The following KSR2 variants were observed in gnomAD, a reference collection of about 807,000 sequenced individuals.
KSR2 encodes the protein kinase suppressor of ras 2.
KSR2 carries 25 observed loss-of-function variants against 107.8 expected under a neutral mutation model. The observed-to-expected ratio is 0.23, with a 90% CI of 0.17 to 0.32. The LOEUF is 0.32. Among genes scored for constraint, KSR2 ranks in the 10% least tolerant of loss-of-function variants. KSR2 has a pLI of 1.00. For missense variants in KSR2, 887 were observed against 1,268.9 expected (o/e 0.70, Z 4.57); for synonymous variants, 480 against 507.0 (o/e 0.95, Z 0.71).
At chr12:117,786,933 G>A (rs1330355542) in intron 3 of KSR2, among the ~76,000 whole-genome samples, 1 of 152,074 alleles carries the variant, frequency 6.6e-6, no homozygotes, top group African/African-American at 2.4e-5. Context: ...GGAGGCTGAG[G>A]CAGGAGAATC....
chr12:117,601,568 C>A (rs1235895780), intron 5 of KSR2, among the ~76,000 whole-genome samples: 2 of 152,096 alleles, frequency 1.3e-5, no homozygotes, highest in Admixed American at 6.5e-5. Context: ...TGGAGTGAAG[C>A]ATCTACAAGC....
At chr12:117,905,944 C>T (rs1003259036) in intron 1 of KSR2, among the ~76,000 whole-genome samples, 1 of 151,302 alleles carries the variant, frequency 6.6e-6, no homozygotes, top group South Asian at 2.1e-4. Context: ...TAGTAGTGAT[C>T]ATACTAGTTA....
intron 17 of KSR2, 137 bp downstream of exon 17, chr12:117,476,327 C>T: frequency 9.5e-7 from 1 of 1,052,112 alleles, no homozygotes; most frequent in Non-Finnish European, 1.3e-6. Context: ...TCAGGTTCCT[C>T]CATTCTCACC....
At chr12:117,501,666 G>C (rs1251928915) in intron 14 of KSR2, among the ~76,000 whole-genome samples, 1 of 152,202 alleles carries the variant, frequency 6.6e-6, no homozygotes. Context: ...GGCTAAAGAG[G>C]GAGAAGGAAC....
chr12:117,587,207 T>C (rs1415456518), intron 5 of KSR2, among the ~76,000 whole-genome samples: 1 of 152,168 alleles, frequency 6.6e-6, no homozygotes, highest in Non-Finnish European at 1.5e-5. Flanking sequence ...TATGTTATCT[T>C]ATCTGGCAAA....
chr12:117,529,854 A>T (rs376223199), intron 12 of KSR2, among the ~76,000 whole-genome samples: 56 of 141,316 alleles, frequency 4.0e-4, no homozygotes, highest in Admixed American at 2.0e-3. Context: ...ATAAAAAATT[A>T]AAAAAAAAAT....
chr12:117,883,483 T>G (rs938423279), intron 1 of KSR2, among the ~76,000 whole-genome samples: 1 of 152,136 alleles, frequency 6.6e-6, no homozygotes, highest in Non-Finnish European at 1.5e-5. Context: ...AACTTCTATT[T>G]GATAAGTGCT....
At chr12:117,730,347 T>C (rs761961452) in intron 4 of KSR2, among the ~76,000 whole-genome samples, 17 of 152,172 alleles carry the variant, frequency 1.1e-4, no homozygotes, top group Non-Finnish European at 2.4e-4. Flanking sequence ...TATAAGGCAC[T>C]TAGCACAATG....
intron 7 of KSR2, among the ~76,000 whole-genome samples, chr12:117,577,477 A>T (rs1879355691): frequency 6.6e-6 from 1 of 152,150 alleles, no homozygotes. Flanking sequence ...TCAAATGCTC[A>T]CTGCCACCCA....
At chr12:117,773,526 T>C (rs1357372542) in intron 3 of KSR2, among the ~76,000 whole-genome samples, 3 of 151,994 alleles carry the variant, frequency 2.0e-5, no homozygotes, top group African/African-American at 7.3e-5. Flanking sequence ...GGAGCCAGCA[T>C]TGGAATCTAC....
Position 117,776,185 on chromosome 12 carries a change from C to T in KSR2, c.473-14661G>A, listed in dbSNP as rs1458193732. ...GCCCCAACCCCATATTCCTTCCCCT[C>T]CACTGTGTAGAATTGTTTTACAATA... On this transcript the variant is annotated intron_variant, in intron 3 of 19. Coordinates refer to ENST00000339824, the MANE Select transcript of KSR2 (RefSeq NM_173598.6). 7.2e-5 allele frequency among the ~76,000 whole-genome samples: 11 copies of T among 152,130 alleles called. No individual in the cohort carries two copies. The East Asian group carries it at 2.1e-3, about 29-fold the overall frequency.
chr12:117,516,939 T>C (rs1874413456), intron 14 of KSR2, among the ~76,000 whole-genome samples: 1 of 152,156 alleles, frequency 6.6e-6, no homozygotes, highest in Non-Finnish European at 1.5e-5. Context: ...TCTTTGCAGT[T>C]AGGTATGGCC....
chr12:117,497,190 C>T (rs1256885015), intron 14 of KSR2, among the ~76,000 whole-genome samples: 2 of 152,054 alleles, frequency 1.3e-5, no homozygotes, highest in African/African-American at 2.4e-5. Flanking sequence ...AGATGTTTTC[C>T]TTATTGTCAC....
At chr12:117,817,190 A>G (rs1891402327) in intron 3 of KSR2, among the ~76,000 whole-genome samples, 1 of 152,216 alleles carries the variant, frequency 6.6e-6, no homozygotes, top group Non-Finnish European at 1.5e-5. Context: ...GGACTGTTAC[A>G]GCCTTTCCGT....
intron 5 of KSR2, among the ~76,000 whole-genome samples, chr12:117,621,653 T>C (rs1474829835): frequency 1.3e-5 from 2 of 152,180 alleles, no homozygotes; most frequent in Non-Finnish European, 2.9e-5. Flanking sequence ...ATTTAGTTAA[T>C]GGTATTATAC....
At chr12:117,923,088 T>G (rs559054322) in intron 1 of KSR2, among the ~76,000 whole-genome samples, 14 of 152,290 alleles carry the variant, frequency 9.2e-5, no homozygotes, top group Admixed American at 9.2e-4. Flanking sequence ...CTACCTAGTG[T>G]GTTCCTAAGC....
At chr12:117,777,105 TATAC>T (rs1219626200) in intron 3 of KSR2, among the ~76,000 whole-genome samples, 1 of 138,060 alleles carries the variant, frequency 7.2e-6, no homozygotes, top group Non-Finnish European at 1.5e-5. Flanking sequence ...TATATATATA[TATAC>T]ACACACACAC....
chr12:117,646,478 C>G (rs1368649665), intron 5 of KSR2, among the ~76,000 whole-genome samples: 1 of 152,166 alleles, frequency 6.6e-6, no homozygotes, highest in Non-Finnish European at 1.5e-5. Flanking sequence ...TACCGGGGCT[C>G]GCAGCCTCCC....
intron 4 of KSR2, among the ~76,000 whole-genome samples, chr12:117,751,954 A>C (rs938895142): frequency 2.0e-5 from 3 of 152,166 alleles, no homozygotes; most frequent in Non-Finnish European, 4.4e-5. Flanking sequence ...TGCCCTTATA[A>C]ATATATTAGA....
Sources: gnomAD v4.1 joint callset for allele counts (sites outside exome capture counted in the v4.1 genomes callset) on GRCh38, gnomAD v4.1.1 for gene constraint, MANE v1.5 for transcripts, NCBI Gene and HGNC (gene_info 2026-07-23, HGNC 2026-07-21) for gene names.